The following OSBPL1A variants were observed in gnomAD, a reference collection of about 807,000 sequenced individuals.
OSBPL1A encodes the protein oxysterol binding protein like 1A, also known as oxysterol-binding protein-related protein 1.
Under a neutral mutation model 137.1 loss-of-function variants are expected in OSBPL1A, and 80 were observed. The ratio of observed to expected loss-of-function variants is 0.58; its 90% confidence interval spans 0.49 to 0.70. OSBPL1A has a LOEUF of 0.70. Among genes scored for constraint, OSBPL1A ranks in the 30% least tolerant of loss-of-function variants. The probability of loss-of-function intolerance (pLI) is 0.00; values close to 1 mark genes in which losing one functional copy is unlikely to be tolerated. For synonymous variants in OSBPL1A, 365 were observed against 389.7 expected (o/e 0.94, Z 0.75); for missense variants, 970 against 1,129.4 (o/e 0.86, Z 2.02).
At chr18:24,172,757 CAA>C (rs2086321765) in intron 21 of OSBPL1A, among the ~76,000 whole-genome samples, 1 of 151,928 alleles carries the variant, frequency 6.6e-6, no homozygotes, top group Non-Finnish European at 1.5e-5. Flanking sequence ...TTTAAGCATT[CAA>C]AAGTGTCATG....
At chr18:24,253,355 C>CA (rs1201209390) in intron 15 of OSBPL1A, among the ~76,000 whole-genome samples, 1 of 152,106 alleles carries the variant, frequency 6.6e-6, no homozygotes, top group African/African-American at 2.4e-5. Context: ...GATTCCAAGA[C>CA]AAACTGTAAC....
intron 13 of OSBPL1A, among the ~76,000 whole-genome samples, chr18:24,307,362 G>T (rs13380975): frequency 2.0e-5 from 3 of 152,272 alleles, no homozygotes; most frequent in Admixed American, 6.5e-5. Context: ...GACATCTGGC[G>T]ATTATTATGC....
intron 4 of OSBPL1A, among the ~76,000 whole-genome samples, chr18:24,361,686 G>C (rs2091622582): frequency 6.6e-6 from 1 of 152,186 alleles, no homozygotes; most frequent in Admixed American, 6.5e-5. Context: ...TTCCTTGCTA[G>C]CAAGATTAAT....
chr18:24,392,168 CTTTTTA>C (rs975944668), intron 1 of OSBPL1A, among the ~76,000 whole-genome samples: 9 of 150,362 alleles, frequency 6.0e-5, no homozygotes, highest in Non-Finnish European at 1.0e-4. Context: ...CATTTGTACT[CTTTTTA>C]TTTTTGAGAT....
intron 25 of OSBPL1A, 33 bp downstream of exon 25, chr18:24,167,296 C>T: frequency 6.4e-7 from 1 of 1,573,326 alleles, no homozygotes; most frequent in Non-Finnish European, 8.7e-7. Flanking sequence ...TAAACACAGA[C>T]AGTGAGGCCA....
intron 16 of OSBPL1A, among the ~76,000 whole-genome samples, chr18:24,237,740 G>A (rs1567966591): frequency 6.6e-6 from 1 of 152,134 alleles, no homozygotes; most frequent in Non-Finnish European, 1.5e-5. Context: ...CCCCATAGAA[G>A]AAGCGCCACT....
chr18:24,382,820 G>A (rs1366088163), intron 1 of OSBPL1A, among the ~76,000 whole-genome samples: 1 of 151,996 alleles, frequency 6.6e-6, no homozygotes, highest in Non-Finnish European at 1.5e-5. Flanking sequence ...AGACTGCAGT[G>A]AGCTGAGATC....
chr18:24,200,557 G>A (rs537823451), intron 17 of OSBPL1A, among the ~76,000 whole-genome samples: 5 of 136,566 alleles, frequency 3.7e-5, no homozygotes, highest in East Asian at 2.4e-4. Flanking sequence ...GTGAGACTCC[G>A]TGTCAAAAAA....
intron 4 of OSBPL1A, among the ~76,000 whole-genome samples, chr18:24,344,345 C>T (rs1298599556): frequency 1.3e-5 from 2 of 152,062 alleles, no homozygotes; most frequent in Non-Finnish European, 2.9e-5. Flanking sequence ...AGCAGCTACT[C>T]AGGAGACTGA....
intron 17 of OSBPL1A, among the ~76,000 whole-genome samples, chr18:24,216,352 A>G (rs1184406433): frequency 6.6e-6 from 1 of 152,150 alleles, no homozygotes; most frequent in Non-Finnish European, 1.5e-5. Flanking sequence ...CTAAAATACA[A>G]AAAAATTAGC....
intron 1 of OSBPL1A, among the ~76,000 whole-genome samples, chr18:24,378,424 A>G (rs775681593): frequency 4.6e-5 from 7 of 152,220 alleles, no homozygotes; most frequent in Non-Finnish European, 7.3e-5. Flanking sequence ...ATTCATATAT[A>G]CCATTTACTT....
rs1247966532 is a variant in OSBPL1A at position 24,172,498 on chromosome 18, C to G, written c.2094-15G>C. 6.4e-7 allele frequency: 1 copy of G among 1,570,832 alleles called. No homozygotes were observed. The highest frequency in any genetic ancestry group is 8.8e-7 in the Non-Finnish European group (1 of 1,141,800). ...CCTCATTGTGTCTAAAAAACAAAACCAAACCCAGAAGCATAAGTGAGAGGT... is the reference window on the plus strand; with the variant it reads ...CCTCATTGTGTCTAAAAAACAAAACGAAACCCAGAAGCATAAGTGAGAGGT... On this transcript the variant is annotated splice_polypyrimidine_tract_variant and intron_variant, in intron 21 of 27. Transcript: ENST00000319481.
At chr18:24,302,992 T>TGTGG (rs566536717) in intron 14 of OSBPL1A, among the ~76,000 whole-genome samples, 5 of 151,716 alleles carry the variant, frequency 3.3e-5, no homozygotes, top group African/African-American at 1.2e-4. Flanking sequence ...TGTGTGTGTG[T>TGTGG]GTGGGTGTGT....
intron 20 of OSBPL1A, 21 bp from the exon 21 acceptor site, chr18:24,178,216 A>C: frequency 6.6e-7 from 1 of 1,522,196 alleles, no homozygotes; most frequent in Admixed American, 2.2e-5. Flanking sequence ...AAAAAAAAAA[A>C]AAAAGAAAAA....
chr18:24,223,260 A>G (rs898639513), intron 17 of OSBPL1A, among the ~76,000 whole-genome samples: 1 of 152,156 alleles, frequency 6.6e-6, no homozygotes, highest in South Asian at 2.1e-4. Context: ...TCTAAAATTA[A>G]ACTTTTAAAT....
At chr18:24,349,711 C>T (rs1233422918) in intron 4 of OSBPL1A, among the ~76,000 whole-genome samples, 1 of 142,314 alleles carries the variant, frequency 7.0e-6, no homozygotes, top group Admixed American at 7.3e-5. Context: ...TGAGAGTGAT[C>T]CCTTGCAAAA....
rs537309048 is a variant in OSBPL1A at position 24,379,707 on chromosome 18, T to TAA, written c.-2-2174_-2-2173dup. 1.2e-3 allele frequency among the ~76,000 whole-genome samples: 174 copies of TAA among 140,948 alleles called. 1 individual carries two copies. The East Asian group carries it at 0.023, about 19-fold the overall frequency. The allele number at this position is 140,948 out of a possible 152,430, so 92.5% of individuals were successfully genotyped here. On this transcript the variant is annotated intron_variant, in intron 1 of 27. Coordinates refer to ENST00000319481, the MANE Select transcript of OSBPL1A (RefSeq NM_080597.4). ...GGTGAAACCTCATCTCTACTAAAAATAAAAAAAAAAAATTTAGCCAGGTGT... is the reference window on the plus strand; with the variant it reads ...GGTGAAACCTCATCTCTACTAAAAATAAAAAAAAAAAAAATTTAGCCAGGTGT...
intron 7 of OSBPL1A, among the ~76,000 whole-genome samples, chr18:24,331,419 CAG>C (rs1487220315): frequency 1.4e-5 from 2 of 141,300 alleles, no homozygotes; most frequent in African/African-American, 5.4e-5. Context: ...TTTTTTGAGA[CAG>C]AGTCTCGCTC....
chr18:24,238,914 G>GT lies in OSBPL1A; in HGVS notation c.1444+305_1444+306insA, dbSNP rs1441279835. 5.9e-5 allele frequency among the ~76,000 whole-genome samples: 9 copies of GT among 152,292 alleles called. No individual in the cohort carries two copies. In the South Asian group the frequency reaches 1.7e-3, roughly 28 times the overall value. ...CAATATGTGCTAATGCCTGGCACTA[G>GT]GAAATGGTCACCCAGTAAAGGACAA... On this transcript the variant is annotated intron_variant, in intron 16 of 27. Coordinates refer to ENST00000319481, the MANE Select transcript of OSBPL1A (RefSeq NM_080597.4).
Sources: gnomAD v4.1 joint callset for allele counts (sites outside exome capture counted in the v4.1 genomes callset) on GRCh38, gnomAD v4.1.1 for gene constraint, MANE v1.5 for transcripts, NCBI Gene and HGNC (gene_info 2026-07-23, HGNC 2026-07-21) for gene names.